The following ARHGAP24 variants were observed in gnomAD, a reference collection of about 807,000 sequenced individuals.
ARHGAP24 encodes Rho GTPase activating protein 24.
A neutral mutation model predicts 76.4 loss-of-function variants in ARHGAP24; 50 were observed. The observed-to-expected ratio is 0.65, with a 90% CI of 0.52 to 0.83. The LOEUF is 0.83. Ranked by LOEUF, ARHGAP24 falls within the 40% of genes least tolerant of loss-of-function variation. The pLI, the probability that ARHGAP24 is intolerant of heterozygous loss-of-function variation, is 0.00. For synonymous variants in ARHGAP24, 345 were observed against 323.3 expected (o/e 1.07, Z -0.72); for missense variants, 930 against 914.2 (o/e 1.02, Z -0.22).
At chr4:85,960,883 G>T (rs1046659209) in intron 5 of ARHGAP24, among the ~76,000 whole-genome samples, 1 of 152,012 alleles carries the variant, frequency 6.6e-6, no homozygotes, top group African/African-American at 2.4e-5. Context: ...ACCTTTATTT[G>T]TTTTCTGCTC....
intron 3 of ARHGAP24, among the ~76,000 whole-genome samples, chr4:85,791,514 T>C (rs1728126008): frequency 1.3e-5 from 2 of 152,210 alleles, no homozygotes; most frequent in African/African-American, 4.8e-5. Flanking sequence ...ATATCAATTA[T>C]ATCTCTCCCC....
In ARHGAP24 at chr4:85,537,206, C is replaced by T. The variant is rs112257433; in HGVS notation, c.-20-33316C>T. On this transcript the variant is annotated intron_variant, in intron 1 of 9. Coordinates refer to ENST00000395184, the MANE Select transcript of ARHGAP24 (RefSeq NM_001025616.3). ...TTTATATTCAATTCTGGGCTGTACA[C>T]GAAGGAATTATAAGACACGATTCTT... Among the ~76,000 whole-genome samples, 1,474 of 152,120 alleles carry T rather than the reference C, an allele frequency of 9.7e-3. 13 individuals are homozygous for T. Among genetic ancestry groups the T allele is most frequent in the East Asian group, 0.019 (97 of 5,170 alleles).
chr4:85,917,779 A>C (rs1735507482), intron 3 of ARHGAP24, among the ~76,000 whole-genome samples: 1 of 152,158 alleles, frequency 6.6e-6, no homozygotes, highest in Non-Finnish European at 1.5e-5. Context: ...TTTTATTGAC[A>C]ACTTACATTT....
At chr4:85,608,126 G>A (rs971195032) in intron 2 of ARHGAP24, among the ~76,000 whole-genome samples, 3 of 152,118 alleles carry the variant, frequency 2.0e-5, no homozygotes, top group Non-Finnish European at 2.9e-5. Flanking sequence ...TAATGAATGA[G>A]CAGAAAGTGT....
intron 4 of ARHGAP24, among the ~76,000 whole-genome samples, chr4:85,927,040 G>A (rs1011857390): frequency 1.3e-5 from 2 of 151,870 alleles, no homozygotes; most frequent in African/African-American, 4.8e-5. Flanking sequence ...AAAAGTACTA[G>A]AATTGATACC....
intron 8 of ARHGAP24, among the ~76,000 whole-genome samples, chr4:85,984,619 G>C (rs1259161613): frequency 6.6e-6 from 1 of 152,146 alleles, no homozygotes; most frequent in East Asian, 1.9e-4. Flanking sequence ...CAGAAAGAAA[G>C]ATCAGGGTGC....
chr4:85,790,415 TTGTC>T (rs1210735268), intron 3 of ARHGAP24, among the ~76,000 whole-genome samples: 1 of 152,208 alleles, frequency 6.6e-6, no homozygotes, highest in Non-Finnish European at 1.5e-5. Context: ...AAACAATCAT[TTGTC>T]TGTCTTTAGT....
intron 1 of ARHGAP24, among the ~76,000 whole-genome samples, chr4:85,550,252 A>C (rs756096052): frequency 4.6e-5 from 7 of 152,178 alleles, no homozygotes; most frequent in African/African-American, 1.7e-4. Context: ...TCCAGTTTCA[A>C]TCTTCTGCAT....
At chr4:85,773,967 G>A (rs1474272151) in intron 3 of ARHGAP24, among the ~76,000 whole-genome samples, 1 of 152,070 alleles carries the variant, frequency 6.6e-6, no homozygotes, top group African/African-American at 2.4e-5. Context: ...AGCACTTTTT[G>A]TTTTAATGAC....
chr4:85,874,884 AT>A (rs1467246189), intron 3 of ARHGAP24, among the ~76,000 whole-genome samples: 1,647 of 107,894 alleles, frequency 0.015, 91 homozygotes, highest in African/African-American at 0.057. Flanking sequence ...TAATTTATAT[AT>A]AAATATATTT....
At chr4:85,665,834 A>C (rs1722592571) in intron 2 of ARHGAP24, among the ~76,000 whole-genome samples, 1 of 152,164 alleles carries the variant, frequency 6.6e-6, no homozygotes, top group Admixed American at 6.5e-5. Flanking sequence ...AAGAATGTTG[A>C]ATATTGGCCC....
At chr4:85,751,900 T>A (rs1450809557) in intron 3 of ARHGAP24, among the ~76,000 whole-genome samples, 1 of 152,172 alleles carries the variant, frequency 6.6e-6, no homozygotes, top group Non-Finnish European at 1.5e-5. Context: ...GATACTACCT[T>A]AAAAAATACA....
chr4:85,630,285 A>G (rs980794451), intron 2 of ARHGAP24, among the ~76,000 whole-genome samples: 3 of 152,126 alleles, frequency 2.0e-5, no homozygotes, highest in Non-Finnish European at 2.9e-5. Flanking sequence ...TTGTTCTCCT[A>G]TAGCTCACTA....
intron 5 of ARHGAP24, among the ~76,000 whole-genome samples, chr4:85,950,107 G>A (rs1293006713): frequency 1.3e-5 from 2 of 152,128 alleles, no homozygotes; most frequent in Non-Finnish European, 2.9e-5. Context: ...CTATGATATG[G>A]TGGAGGTATA....
intron 3 of ARHGAP24, among the ~76,000 whole-genome samples, chr4:85,803,095 T>C (rs1057442689): frequency 2.6e-5 from 4 of 152,220 alleles, no homozygotes; most frequent in African/African-American, 9.6e-5. Flanking sequence ...ACAAATGATA[T>C]ATTAAGGTAT....
intron 1 of ARHGAP24, among the ~76,000 whole-genome samples, chr4:85,561,106 G>A (rs1726578675): frequency 6.6e-6 from 1 of 152,192 alleles, no homozygotes; most frequent in African/African-American, 2.4e-5. Context: ...GTAGAACACT[G>A]AGAAGTAATA....
At chr4:85,936,514 G>A (rs346503) in intron 4 of ARHGAP24, among the ~76,000 whole-genome samples, 49,947 of 151,704 alleles carry the variant, frequency 0.33, 8,375 homozygotes, top group East Asian at 0.46. Flanking sequence ...AAACCTCTCC[G>A]AAGCTCATAG....
intron 3 of ARHGAP24, among the ~76,000 whole-genome samples, chr4:85,864,302 C>G (rs562104864): frequency 6.6e-6 from 1 of 152,144 alleles, no homozygotes; most frequent in Admixed American, 6.6e-5. Flanking sequence ...CTTCTTAACT[C>G]CTATATCACT....
At position 85,532,570 on chromosome 4, in the gene ARHGAP24, C is replaced by G. The variant is rs28404254; in HGVS notation, c.-20-37952C>G. 3.9e-3 allele frequency among the ~76,000 whole-genome samples: 592 copies of G among 152,204 alleles called. 3 individuals carry two copies. The highest frequency in any genetic ancestry group is 0.013 in the African/African-American group (556 of 41,534). ...AATTTGACCATACAGAATTTAATCT[C>G]CCCATTTAAGATTATATAATATTTG... On this transcript the variant is annotated intron_variant, in intron 1 of 9. Transcript: ENST00000395184.
Sources: allele counts gnomAD v4.1 joint callset (sites outside exome capture counted in the v4.1 genomes callset), GRCh38; gene constraint gnomAD v4.1.1; transcripts MANE v1.5; gene names NCBI Gene and HGNC (gene_info 2026-07-23, HGNC 2026-07-21).